PDE1C: variants seen among roughly 807,000 people sequenced by gnomAD.
The protein encoded by PDE1C is dual specificity calcium/calmodulin-dependent 3',5'-cyclic nucleotide phosphodiesterase 1C.
PDE1C carries 62 observed loss-of-function variants against 93.1 expected under a neutral mutation model. The observed-to-expected ratio is 0.67, with a 90% CI of 0.54 to 0.82. The LOEUF is 0.82. PDE1C is among the 40% of genes least tolerant of loss of function. PDE1C has a pLI of 0.00. For synonymous variants in PDE1C, 325 were observed against 310.1 expected, an observed-to-expected ratio of 1.05 and a Z score of -0.50; for missense variants, 742 against 884.6, an observed-to-expected ratio of 0.84 and a Z score of 2.04.
chr7:31,976,580 A>G (rs1176237735), intron 2 of PDE1C, among the ~76,000 whole-genome samples: 2 of 152,250 alleles, frequency 1.3e-5, no homozygotes, highest in East Asian at 3.9e-4. Context: ...TATCAAAACT[A>G]TCAACAAACA....
At chr7:31,916,920 A>T (rs889303739) in intron 2 of PDE1C, among the ~76,000 whole-genome samples, 2 of 152,148 alleles carry the variant, frequency 1.3e-5, no homozygotes, top group Admixed American at 1.3e-4. Flanking sequence ...AAATGTATGG[A>T]TTTGATGCTG....
At position 32,409,694 on chromosome 7, in the gene PDE1C, A is replaced by T. The variant is rs180835224; in HGVS notation, c.310+18128T>A. Among the ~76,000 whole-genome samples, 581 of 152,250 alleles carry T rather than the reference A, an allele frequency of 3.8e-3. 1 individual carries two copies. Among genetic ancestry groups the T allele is most frequent in the African/African-American group, 0.013 (522 of 41,580 alleles). On this transcript the variant is annotated intron_variant, in intron 1 of 1. Transcript: ENST00000672256. ...GAGAGACTGAAAGGACATTTGACAAACCTCAACTCCTATTGTTAATTTTTA... is the reference window on the plus strand; with the variant it reads ...GAGAGACTGAAAGGACATTTGACAATCCTCAACTCCTATTGTTAATTTTTA...
rs1026360909 is a variant in PDE1C at position 31,994,467 on chromosome 7, C to G, written c.128+57087G>C. The stretch of plus-strand genomic sequence containing the variant: ...TATGAGCCGGATGACCCTATGACCT[C>G]TCAGTTTTCTTATTTGATAAGTGCA... On this transcript the variant is annotated intron_variant, in intron 2 of 17. Coordinates refer to ENST00000396191, the MANE Select transcript of PDE1C (RefSeq NM_001191057.4). 4.6e-5 allele frequency among the ~76,000 whole-genome samples: 7 copies of G among 152,128 alleles called. No individual in the cohort carries two copies. The South Asian group carries it at 1.4e-3, about 31-fold the overall frequency.
chr7:32,336,733 A>T (rs1423479029), intron 1 of PDE1C, among the ~76,000 whole-genome samples: 1 of 152,246 alleles, frequency 6.6e-6, no homozygotes, highest in Non-Finnish European at 1.5e-5. Flanking sequence ...TTCCCTTGCT[A>T]CATTCAAATA....
chr7:31,628,630 G>A, the PDE1C span, among the ~76,000 whole-genome samples: 4 of 151,864 alleles, frequency 2.6e-5, no homozygotes, highest in Non-Finnish European at 4.4e-5. Context: ...GCTAATTTTT[G>A]TATTTTTAGT....
chr7:32,368,314 T>C (rs954849743), intron 1 of PDE1C, among the ~76,000 whole-genome samples: 2 of 152,070 alleles, frequency 1.3e-5, no homozygotes, highest in Admixed American at 6.6e-5. Flanking sequence ...AATTGCAGCA[T>C]ACAAAATCAA....
chr7:31,638,509 G>A, the PDE1C span, among the ~76,000 whole-genome samples: 2 of 152,160 alleles, frequency 1.3e-5, no homozygotes, highest in African/African-American at 2.4e-5. Flanking sequence ...ACACGACATT[G>A]TTAATTTTTT....
intron 1 of PDE1C, among the ~76,000 whole-genome samples, chr7:32,216,679 C>T (rs907937431): frequency 6.6e-6 from 1 of 152,198 alleles, no homozygotes; most frequent in African/African-American, 2.4e-5. Flanking sequence ...CAGTCATGGT[C>T]CCTGCCTTCA....
At chr7:32,216,085 G>C (rs1806408485) in intron 1 of PDE1C, among the ~76,000 whole-genome samples, 1 of 152,232 alleles carries the variant, frequency 6.6e-6, no homozygotes, top group Non-Finnish European at 1.5e-5. Context: ...GTGAAGCTTG[G>C]AATTACCAGG....
intron 6 of PDE1C, among the ~76,000 whole-genome samples, chr7:31,872,913 G>A (rs1796114310): frequency 6.6e-6 from 1 of 152,158 alleles, no homozygotes; most frequent in Admixed American, 6.5e-5. Flanking sequence ...TACAGAGACA[G>A]CAGATGTTCA....
chr7:31,722,624 C>T, the PDE1C span, among the ~76,000 whole-genome samples: 1 of 152,156 alleles, frequency 6.6e-6, no homozygotes, highest in African/African-American at 2.4e-5. Context: ...TGATGTTCCA[C>T]CTGAGATCTG....
chr7:32,224,566 GAGCT>G (rs1326100550), intron 1 of PDE1C, among the ~76,000 whole-genome samples: 1 of 152,192 alleles, frequency 6.6e-6, no homozygotes, highest in Non-Finnish European at 1.5e-5. Flanking sequence ...TGACCATGAT[GAGCT>G]GCTCAGTAAG....
chr7:32,385,434 A>G lies in PDE1C; in HGVS notation c.310+42388T>C, dbSNP rs374673843. 1.5e-3 allele frequency among the ~76,000 whole-genome samples: 223 copies of G among 152,270 alleles called. 1 individual carries two copies. Among genetic ancestry groups the G allele is most frequent in the African/African-American group, 5.1e-3 (212 of 41,548 alleles). On this transcript the variant is annotated intron_variant, in intron 1 of 1. Coordinates refer to the PDE1C transcript ENST00000672256. ...AATACTTCCAATATTTCAAAGGCTG[A>G]AATATGGGACAGGGATCAGGGTGTT...
At chr7:32,240,668 G>C (rs1293720443) in intron 1 of PDE1C, among the ~76,000 whole-genome samples, 3 of 152,108 alleles carry the variant, frequency 2.0e-5, no homozygotes, top group African/African-American at 7.2e-5. Context: ...AGCTGAATGA[G>C]AGAGCTAGGA....
At chr7:31,621,982 C>A in the PDE1C span, among the ~76,000 whole-genome samples, 1 of 144,650 alleles carries the variant, frequency 6.9e-6, no homozygotes, top group African/African-American at 2.6e-5. Context: ...AGACTTTAAA[C>A]CAACAAAGAT....
At chr7:32,070,027 T>A (rs375660523) in intron 1 of PDE1C, among the ~76,000 whole-genome samples, 1 of 152,116 alleles carries the variant, frequency 6.6e-6, no homozygotes, top group African/African-American at 2.4e-5. Context: ...TGGGCCACCA[T>A]AACTGACTCA....
upstream of PDE1C, among the ~76,000 whole-genome samples, chr7:32,072,973 AT>A (rs1288683245): frequency 6.6e-6 from 1 of 152,218 alleles, no homozygotes; most frequent in Non-Finnish European, 1.5e-5. Flanking sequence ...GGAAAAAGAA[AT>A]TGCTGAAAAG....
intron 1 of PDE1C, among the ~76,000 whole-genome samples, chr7:32,054,500 G>A (rs1359629065): frequency 6.6e-6 from 1 of 152,142 alleles, no homozygotes; most frequent in Admixed American, 6.5e-5. Context: ...TGAGGTCAGA[G>A]GTCTGTCATA....
chr7:32,232,284 A>G (rs1335193618), intron 1 of PDE1C, among the ~76,000 whole-genome samples: 3 of 152,206 alleles, frequency 2.0e-5, no homozygotes, highest in African/African-American at 4.8e-5. Flanking sequence ...CCTTCCAGTT[A>G]TGGAACAAGA....
Sources: gnomAD v4.1 joint callset for allele counts (sites outside exome capture counted in the v4.1 genomes callset) on GRCh38, gnomAD v4.1.1 for gene constraint, MANE v1.5 for transcripts, NCBI Gene and HGNC (gene_info 2026-07-23, HGNC 2026-07-21) for gene names.